Variants in MAPRE3 observed in about 807,000 individuals in gnomAD.
The protein encoded by MAPRE3 is microtubule-associated protein RP/EB family member 3.
Under a neutral mutation model 30.5 loss-of-function variants are expected in MAPRE3, and 2 were observed. That is an observed-to-expected ratio of 0.07 (90% CI 0.03 to 0.21). The LOEUF is 0.21. Among genes scored for constraint, MAPRE3 ranks in the 10% least tolerant of loss-of-function variants. MAPRE3 has a pLI of 1.00. For synonymous variants in MAPRE3, 110 were observed against 127.7 expected (o/e 0.86, Z 0.93); for missense variants, 204 against 351.8 (o/e 0.58, Z 3.36).
chr2:26,988,825 C>A (rs1453444620), intron 1 of MAPRE3, among the ~76,000 whole-genome samples: 2 of 152,174 alleles, frequency 1.3e-5, no homozygotes, highest in Non-Finnish European at 2.9e-5. Flanking sequence ...GTTTTGGGAA[C>A]CTCTTCCCTA....
intron 1 of MAPRE3, among the ~76,000 whole-genome samples, chr2:26,972,383 C>T (rs957770199): frequency 6.6e-6 from 1 of 152,254 alleles, no homozygotes; most frequent in African/African-American, 2.4e-5. Context: ...CTCCCTGCCC[C>T]CATGCCCATC....
rs1181504212 is a variant in MAPRE3 at position 27,027,119 on chromosome 2, C to G, written c.*771C>G. 2 of 152,506 alleles carry G rather than the reference C, an allele frequency of 1.3e-5. No homozygotes were observed. Among genetic ancestry groups the G allele is most frequent in the East Asian group, 1.9e-4 (1 of 5,202 alleles). The allele number at this position is 152,506 out of a possible 1,614,324, so 9.4% of individuals were successfully genotyped here. On this transcript the variant is annotated 3_prime_UTR_variant, in exon 7 of 7. Transcript: ENST00000233121. ...ATTGTCTGTCTGCTTCCCACCTGCC[C>G]TCCCCACCCCCTGCCCCTCGGGCAC...
Position 27,025,720 on chromosome 2 carries a change from C to T in MAPRE3, c.607C>T (p.Leu203Phe). ...NGGHETDAQILELNQQLVDLK... is the reference protein window; with the variant it reads ...NGGHETDAQIFELNQQLVDLK... The stretch of plus-strand genomic sequence containing the variant: ...CGGCCATGAGACTGATGCCCAAATT[C>T]TTGAACTCAACCAACAGGTGAGTGG... Residue 203 changes from leucine (L) to phenylalanine (F), a missense_variant, in exon 5 of 7, where the codon CTT becomes TTT. Coordinates refer to ENST00000233121, the MANE Select transcript of MAPRE3 (RefSeq NM_012326.4). 1 of 1,614,200 alleles carries T rather than the reference C, an allele frequency of 6.2e-7. No individual in the cohort carries two copies. Among genetic ancestry groups the T allele is most frequent in the Non-Finnish European group, 8.5e-7 (1 of 1,180,032 alleles).
At chr2:27,006,547 C>G (rs1367187869) in intron 1 of MAPRE3, among the ~76,000 whole-genome samples, 3 of 152,214 alleles carry the variant, frequency 2.0e-5, no homozygotes, top group Non-Finnish European at 4.4e-5. Flanking sequence ...TCTTCCTCCT[C>G]AGCCTCCCAA....
chr2:27,016,318 C>T (rs961356569), intron 1 of MAPRE3, among the ~76,000 whole-genome samples: 2 of 151,686 alleles, frequency 1.3e-5, no homozygotes, highest in Non-Finnish European at 2.9e-5. Flanking sequence ...CCATTCTCTC[C>T]GGGGAGGTGA....
At chr2:26,972,136 T>C (rs1197461322) in intron 1 of MAPRE3, among the ~76,000 whole-genome samples, 1 of 152,208 alleles carries the variant, frequency 6.6e-6, no homozygotes, top group East Asian at 1.9e-4. Flanking sequence ...TCTTTTTTAT[T>C]TGGCTTCCAA....
intron 1 of MAPRE3, among the ~76,000 whole-genome samples, chr2:26,979,857 CTT>C (rs1344293158): frequency 6.6e-6 from 1 of 152,090 alleles, no homozygotes; most frequent in East Asian, 1.9e-4. Context: ...AAAGGAGTTG[CTT>C]TTTAGACACA....
At chr2:26,977,852 C>A (rs1666043250) in intron 1 of MAPRE3, among the ~76,000 whole-genome samples, 1 of 152,232 alleles carries the variant, frequency 6.6e-6, no homozygotes, top group African/African-American at 2.4e-5. Flanking sequence ...TACCTGCCTT[C>A]AACCAGTGGT....
chr2:27,020,126 G>A (rs768708000), intron 1 of MAPRE3, among the ~76,000 whole-genome samples: 1 of 152,186 alleles, frequency 6.6e-6, no homozygotes, highest in African/African-American at 2.4e-5. Context: ...GAACTTTGGG[G>A]TGGGGACGGC....
intron 1 of MAPRE3, among the ~76,000 whole-genome samples, chr2:26,982,518 A>T (rs187943782): frequency 4.6e-4 from 70 of 152,360 alleles, no homozygotes; most frequent in African/African-American, 1.7e-3. Context: ...CCCTACCAGG[A>T]AGGAACAAAC....
In MAPRE3 at chr2:26,988,046, C is replaced by T. The variant is rs566235501; in HGVS notation, c.-8+17244C>T. Among the ~76,000 whole-genome samples the T allele has an allele frequency of 1.8e-4, 27 of 152,376 alleles. No homozygotes were observed. The South Asian group carries it at 5.6e-3, about 32-fold the overall frequency. On this transcript the variant is annotated intron_variant, in intron 1 of 6. Transcript: ENST00000233121. ...GTAGGGGACACAAAAAGAACCCATT[C>T]TCCTGGGGCCACCTCTCTAGACAAC...
intron 1 of MAPRE3, among the ~76,000 whole-genome samples, chr2:26,999,625 T>G (rs1314924287): frequency 6.7e-6 from 1 of 150,030 alleles, no homozygotes; most frequent in South Asian, 2.1e-4. Context: ...TGCCTCAGCC[T>G]CCTGAGTAGC....
chr2:27,026,575 C>G lies in MAPRE3; in HGVS notation c.*227C>G. The G allele has an allele frequency of 2.1e-6, 1 of 478,866 alleles. No individual in the cohort carries two copies. The allele number at this position is 478,866 out of a possible 1,614,324, so 29.7% of individuals were successfully genotyped here. ...GGTGGGACCCCTGTCCACACCCACC[C>G]TATTTATTTCCGTTGTCTCTCTGCT... On this transcript the variant is annotated 3_prime_UTR_variant, in exon 7 of 7. Coordinates refer to ENST00000233121, the MANE Select transcript of MAPRE3 (RefSeq NM_012326.4).
At chr2:26,995,829 G>GTATA (rs1553327978) in intron 1 of MAPRE3, among the ~76,000 whole-genome samples, 1 of 147,008 alleles carries the variant, frequency 6.8e-6, no homozygotes, top group African/African-American at 2.6e-5. Context: ...GTGTGTGTGT[G>GTATA]TATGTGTGTG....
chr2:27,006,768 G>T (rs1399168058), intron 1 of MAPRE3, among the ~76,000 whole-genome samples: 1 of 152,154 alleles, frequency 6.6e-6, no homozygotes, highest in Non-Finnish European at 1.5e-5. Flanking sequence ...GGCACAGAAT[G>T]CAGGAGAAAC....
At chr2:26,995,176 A>G (rs1490665885) in intron 1 of MAPRE3, among the ~76,000 whole-genome samples, 6 of 152,190 alleles carry the variant, frequency 3.9e-5, no homozygotes, top group Non-Finnish European at 7.3e-5. Flanking sequence ...CACTAGGTAA[A>G]TGAATGGGTG....
At chr2:26,988,885 C>T (rs1666271567) in intron 1 of MAPRE3, among the ~76,000 whole-genome samples, 2 of 152,274 alleles carry the variant, frequency 1.3e-5, no homozygotes, top group Middle Eastern at 3.4e-3. Flanking sequence ...GCTTGAAAAC[C>T]TTTACCCAAA....
chr2:26,999,867 A>G (rs982761340), intron 1 of MAPRE3, among the ~76,000 whole-genome samples: 9 of 152,060 alleles, frequency 5.9e-5, no homozygotes, highest in Admixed American at 5.9e-4. Flanking sequence ...TTTTTTAACC[A>G]TTTTAGTGGA....
intron 1 of MAPRE3, among the ~76,000 whole-genome samples, chr2:26,974,575 AC>A (rs916248685): frequency 2.6e-5 from 4 of 152,058 alleles, no homozygotes; most frequent in African/African-American, 9.7e-5. Flanking sequence ...TCAGAATGGA[AC>A]CTTTTGTAGT....
Sources: gnomAD v4.1 joint callset for allele counts (sites outside exome capture counted in the v4.1 genomes callset) on GRCh38, gnomAD v4.1.1 for gene constraint, MANE v1.5 for transcripts, NCBI Gene and HGNC (gene_info 2026-07-23, HGNC 2026-07-21) for gene names.